Variants in MACROD1 observed in about 807,000 individuals in gnomAD.
The protein encoded by MACROD1 is mono-ADP ribosylhydrolase 1.
Under a neutral mutation model 41.4 loss-of-function variants are expected in MACROD1, and 31 were observed. The ratio of observed to expected loss-of-function variants is 0.75; its 90% CI spans 0.56 to 1.01. The LOEUF (loss-of-function observed/expected upper bound fraction) is 1.01. Ranked by LOEUF, MACROD1 falls within the 50% of genes least tolerant of loss-of-function variation. The probability of loss-of-function intolerance (pLI) is 0.00; values close to 1 mark genes in which losing one functional copy is unlikely to be tolerated. For missense variants in MACROD1, 473 were observed against 460.0 expected, an observed-to-expected ratio of 1.03 and a Z score of -0.26; for synonymous variants, 252 against 203.4, an observed-to-expected ratio of 1.24 and a Z score of -2.03.
chr11:64,095,430 G>A (rs1944559352), intron 3 of MACROD1, among the ~76,000 whole-genome samples: 1 of 152,228 alleles, frequency 6.6e-6, no homozygotes, highest in African/African-American at 2.4e-5. Flanking sequence ...GGGAAGGAGG[G>A]AAAGGGTGGG....
intron 3 of MACROD1, among the ~76,000 whole-genome samples, chr11:64,046,575 G>A (rs183921380): frequency 6.6e-6 from 1 of 152,266 alleles, no homozygotes; most frequent in East Asian, 1.9e-4. Flanking sequence ...TTTTGAGACG[G>A]AGTTTTGTTC....
Position 64,146,531 on chromosome 11 carries a change from G to A in MACROD1, c.517+4708C>T, listed in dbSNP as rs897318160. ...CAAGTGGCCTCAGCTGGCAGCCCACGGGGACAGGGCCCAGGGAGGCCTGCA... is the reference window on the plus strand; with the variant it reads ...CAAGTGGCCTCAGCTGGCAGCCCACAGGGACAGGGCCCAGGGAGGCCTGCA... On this transcript the variant is annotated intron_variant, in intron 3 of 10. Transcript: ENST00000255681. The surrounding 1 kb of genome is among the most constrained non-coding windows in gnomAD (Gnocchi z 4.7). 2.0e-5 allele frequency among the ~76,000 whole-genome samples: 3 copies of A among 152,162 alleles called. No individual in the cohort carries two copies. The highest frequency in any genetic ancestry group is 2.9e-5 in the Non-Finnish European group (2 of 68,034).
In MACROD1 at chr11:63,999,371, A is replaced by G. The variant is rs370776611; in HGVS notation, c.851T>C (p.Leu284Pro). Residue 284 changes from leucine to proline, a missense_variant, in exon 8 of 11, where the codon CTG becomes CCG. Physicochemically the swap from Leu to Pro is moderately conservative, Grantham distance 98 (BLOSUM62 -3). Coordinates refer to ENST00000255681, the MANE Select transcript of MACROD1 (RefSeq NM_014067.4). ...YPCEAAAEIV[L>P]ATLREWLEQH... ...CTCCAGCCACTCTCGCAGCGTGGCCAGCACGATCTCGGCGGCCGCCTCACA... is the reference window on the plus strand; with the variant it reads ...CTCCAGCCACTCTCGCAGCGTGGCCGGCACGATCTCGGCGGCCGCCTCACA... The G allele has an allele frequency of 5.3e-5, 85 of 1,593,678 alleles. No homozygotes were observed. The highest frequency in any genetic ancestry group is 6.4e-5 in the Non-Finnish European group (75 of 1,174,774).
At chr11:64,053,358 G>GC (rs1337892915) in intron 3 of MACROD1, among the ~76,000 whole-genome samples, 1 of 152,226 alleles carries the variant, frequency 6.6e-6, no homozygotes, top group African/African-American at 2.4e-5. Flanking sequence ...AGCAGGCTGG[G>GC]CTCTGTTAAC....
intron 3 of MACROD1, among the ~76,000 whole-genome samples, chr11:64,052,255 G>A (rs955184677): frequency 7.9e-5 from 12 of 152,086 alleles, no homozygotes; most frequent in Non-Finnish European, 1.6e-4. Flanking sequence ...TGTCGGGGTG[G>A]GGGAAAAAAA....
At chr11:64,155,338 T>C (rs2701529) in intron 1 of MACROD1, among the ~76,000 whole-genome samples, 146,436 of 152,262 alleles carry the variant, frequency 0.96, 70,675 homozygotes, top group Middle Eastern at 1. Context: ...TCTGCCTCCC[T>C]GTCTGAGGAC....
Position 64,068,332 on chromosome 11 carries a change from AC to A in MACROD1, c.518-53052del, listed in dbSNP as rs1298435609. 1.8e-4 allele frequency among the ~76,000 whole-genome samples: 27 copies of A among 152,292 alleles called. No individual in the cohort carries two copies. In the East Asian group the frequency reaches 4.4e-3, roughly 25 times the overall value. On this transcript the variant is annotated intron_variant, in intron 3 of 10. Coordinates refer to ENST00000255681, the MANE Select transcript of MACROD1 (RefSeq NM_014067.4). Reference sequence around the variant, plus strand: ...CTGTCCCACTCTTCCGCCTTTGGGGACAGTGATGCCTACCAGGCCCTGGCAG... The same window carrying A: ...CTGTCCCACTCTTCCGCCTTTGGGGAAGTGATGCCTACCAGGCCCTGGCAG...
At chr11:64,052,020 A>G (rs975006366) in intron 3 of MACROD1, among the ~76,000 whole-genome samples, 1 of 150,940 alleles carries the variant, frequency 6.6e-6, no homozygotes, top group African/African-American at 2.4e-5. Context: ...GGGGCTTGCT[A>G]ATGAACTTGG....
chr11:64,124,372 T>C (rs1945145782), intron 3 of MACROD1, among the ~76,000 whole-genome samples: 1 of 152,176 alleles, frequency 6.6e-6, no homozygotes, highest in African/African-American at 2.4e-5. Context: ...TATCCATCCA[T>C]CCATCACCGC....
intron 3 of MACROD1, among the ~76,000 whole-genome samples, chr11:64,037,891 TCCTGAG>T (rs1411077699): frequency 6.6e-6 from 1 of 152,202 alleles, no homozygotes; most frequent in African/African-American, 2.4e-5. Flanking sequence ...TAGTGCCACC[TCCTGAG>T]CCTGAGCCAG....
intron 3 of MACROD1, among the ~76,000 whole-genome samples, chr11:64,051,759 T>C (rs1289377092): frequency 6.6e-6 from 1 of 152,124 alleles, no homozygotes. Context: ...GCCCAGTCCC[T>C]CTCAGGACAA....
At chr11:64,129,343 C>A (rs1945232217) in intron 3 of MACROD1, among the ~76,000 whole-genome samples, 2 of 152,374 alleles carry the variant, frequency 1.3e-5, no homozygotes, top group Middle Eastern at 3.4e-3. Flanking sequence ...AGCTCCATCC[C>A]CGACTGCTGT....
chr11:64,015,288 G>A lies in MACROD1; in HGVS notation c.518-7C>T, dbSNP rs765471151. ...CCGAGCAGGGAGCTGTTGGCTGCAA[G>A]AGAGAGAGACAAAGGCAGATCAGTG... On this transcript the variant is annotated splice_polypyrimidine_tract_variant and splice_region_variant and intron_variant, in intron 3 of 10. Coordinates refer to ENST00000255681, the MANE Select transcript of MACROD1 (RefSeq NM_014067.4). 3 of 1,602,416 alleles carry A rather than the reference G, an allele frequency of 1.9e-6. No homozygotes were observed. The highest frequency in any genetic ancestry group is 4.5e-5 in the East Asian group (2 of 44,102).
intron 3 of MACROD1, among the ~76,000 whole-genome samples, chr11:64,071,030 C>T (rs1944099601): frequency 6.6e-6 from 1 of 152,146 alleles, no homozygotes; most frequent in African/African-American, 2.4e-5. Context: ...CGGCCATACT[C>T]ATCTCTTTAT....
At chr11:64,158,154 T>C (rs1945698274) in intron 1 of MACROD1, among the ~76,000 whole-genome samples, 1 of 152,216 alleles carries the variant, frequency 6.6e-6, no homozygotes, top group South Asian at 2.1e-4. Context: ...AAATTAGCCC[T>C]GGCTTCTGCA....
At position 64,086,293 on chromosome 11, in the gene MACROD1, C is replaced by T. The variant is rs537983582; in HGVS notation, c.517+64946G>A. On this transcript the variant is annotated intron_variant, in intron 3 of 10. Coordinates refer to ENST00000255681, the MANE Select transcript of MACROD1 (RefSeq NM_014067.4). ...TTTGTTGAATTGTGGTTTTAGGAGG[C>T]GTAAAGTGCATACCGGCACCTGCAC... is the stretch of plus-strand genomic sequence containing the variant. Among the ~76,000 whole-genome samples, 6 of 152,022 alleles carry T rather than the reference C, an allele frequency of 3.9e-5. No homozygotes were observed. In the South Asian group the frequency reaches 6.2e-4, roughly 16 times the overall value.
At chr11:64,073,142 T>C (rs1590870189) in intron 3 of MACROD1, among the ~76,000 whole-genome samples, 1 of 152,108 alleles carries the variant, frequency 6.6e-6, no homozygotes, top group African/African-American at 2.4e-5. Context: ...CCACCGTGGG[T>C]TTCTGAGGGC....
intron 3 of MACROD1, chr11:64,104,150 C>T (rs1944717999): frequency 6.6e-6 from 1 of 152,302 alleles, no homozygotes; most frequent in Admixed American, 6.5e-5. Context: ...CCAGTCAAAC[C>T]CAGAGGGTCT....
intron 3 of MACROD1, among the ~76,000 whole-genome samples, chr11:64,017,615 C>A (rs905273633): frequency 1.3e-5 from 2 of 152,168 alleles, no homozygotes; most frequent in African/African-American, 2.4e-5. Flanking sequence ...CCACCCACTC[C>A]CCACCCCAGC....
Sources: allele counts gnomAD v4.1 joint callset (sites outside exome capture counted in the v4.1 genomes callset), GRCh38; gene constraint gnomAD v4.1.1; non-coding constraint Gnocchi (gnomAD v3.1); transcripts MANE v1.5; gene names NCBI Gene and HGNC (gene_info 2026-07-23, HGNC 2026-07-21).